TLL2: variants seen among roughly 807,000 people sequenced by gnomAD.
TLL2 encodes tolloid-like protein 2.
A neutral mutation model predicts 123.0 loss-of-function variants in TLL2; 106 were observed. The ratio of observed to expected loss-of-function variants is 0.86; its 90% confidence interval spans 0.74 to 1.01. TLL2 has a LOEUF of 1.01. Ranked by LOEUF, TLL2 falls within the 50% of genes least tolerant of loss-of-function variation. The probability of loss-of-function intolerance (pLI) is 0.00; values close to 1 mark genes in which losing one functional copy is unlikely to be tolerated. For synonymous variants in TLL2, 494 were observed against 516.8 expected, an observed-to-expected ratio of 0.96 and a Z score of 0.60; for missense variants, 1,332 against 1,336.7, an observed-to-expected ratio of 1.00 and a Z score of 0.06.
chr10:96,486,046 T>A (rs970533779), intron 1 of TLL2, among the ~76,000 whole-genome samples: 6 of 152,328 alleles, frequency 3.9e-5, no homozygotes, highest in African/African-American at 1.4e-4. Context: ...AGTTACATAG[T>A]GGTCTTCCAA....
intron 17 of TLL2, 101 bp downstream of exon 17, chr10:96,378,866 G>A: frequency 6.8e-7 from 1 of 1,477,040 alleles, no homozygotes. Flanking sequence ...GAAGGTGGAA[G>A]AGGTCCTCGC....
At chr10:96,388,396 G>A (rs1846257370) in intron 13 of TLL2, among the ~76,000 whole-genome samples, 1 of 152,150 alleles carries the variant, frequency 6.6e-6, no homozygotes, top group South Asian at 2.1e-4. Context: ...GCAAGACTCT[G>A]TCTCAACAAC....
At chr10:96,368,359 G>A (rs1485140170) in intron 20 of TLL2, 137 bp from the exon 21 acceptor site, 2 of 1,014,028 alleles carry the variant, frequency 2.0e-6, no homozygotes, top group Non-Finnish European at 2.8e-6. Flanking sequence ...ATCCAAACAA[G>A]CTCCTTTTCA....
At chr10:96,452,943 C>A (rs957424370) in intron 2 of TLL2, among the ~76,000 whole-genome samples, 1 of 152,208 alleles carries the variant, frequency 6.6e-6, no homozygotes, top group African/African-American at 2.4e-5. Context: ...TTAAGTGATT[C>A]AATGCCAAGT....
intron 3 of TLL2, among the ~76,000 whole-genome samples, chr10:96,445,045 C>A (rs1019677037): frequency 9.9e-5 from 15 of 152,068 alleles, no homozygotes; most frequent in Non-Finnish European, 1.5e-4. Context: ...AAACATTAGC[C>A]GGGCACGGTG....
chr10:96,387,195 T>C, intron 13 of TLL2, 117 bp from the exon 14 acceptor site: 2 of 1,433,648 alleles, frequency 1.4e-6, no homozygotes, highest in South Asian at 2.6e-5. Flanking sequence ...GAGCCACTCC[T>C]GGTGACCACC....
chr10:96,482,074 G>A (rs1180692069), intron 1 of TLL2, among the ~76,000 whole-genome samples: 4 of 152,084 alleles, frequency 2.6e-5, no homozygotes, highest in Admixed American at 6.5e-5. Flanking sequence ...TGGCTAACAC[G>A]GTGAAACTCT....
chr10:96,475,769 C>A (rs1182131665), intron 2 of TLL2, among the ~76,000 whole-genome samples: 1 of 152,186 alleles, frequency 6.6e-6, no homozygotes, highest in Admixed American at 6.5e-5. Flanking sequence ...TGTGTCCCCA[C>A]CCAAATCTCA....
At chr10:96,403,943 G>A (rs567661257) in intron 10 of TLL2, among the ~76,000 whole-genome samples, 91 of 151,226 alleles carry the variant, frequency 6.0e-4, no homozygotes, top group Non-Finnish European at 9.4e-4. Flanking sequence ...TCTGGCCTAC[G>A]TGCACATCCA....
intron 6 of TLL2, among the ~76,000 whole-genome samples, chr10:96,421,533 G>A (rs1397304072): frequency 1.3e-5 from 2 of 152,012 alleles, no homozygotes; most frequent in Admixed American, 6.6e-5. Context: ...GCATGGTGGC[G>A]GGTGCCTGTA....
intron 1 of TLL2, 111 bp from the exon 2 acceptor site, chr10:96,480,570 G>T: frequency 1.2e-6 from 1 of 809,742 alleles, no homozygotes; most frequent in Non-Finnish European, 2.1e-6. Context: ...GGAAAAGACA[G>T]CCCATCCAGT....
chr10:96,508,644 T>A (rs1847598731), intron 1 of TLL2, among the ~76,000 whole-genome samples: 1 of 152,042 alleles, frequency 6.6e-6, no homozygotes, highest in Non-Finnish European at 1.5e-5. Flanking sequence ...CATTTGAGCC[T>A]CATGTAGACA....
chr10:96,445,220 G>A lies in TLL2; in HGVS notation c.364+871C>T, dbSNP rs529017653. On this transcript the variant is annotated intron_variant, in intron 3 of 20. Coordinates refer to ENST00000357947, the MANE Select transcript of TLL2 (RefSeq NM_012465.4). ...AAAAATTTTTCTTTTGCTTTGCTGT[G>A]AAGTTTGTGTAGAAGAAATACCACT... 2.9e-3 allele frequency among the ~76,000 whole-genome samples: 436 copies of A among 152,322 alleles called. 3 individuals are homozygous for A. Among genetic ancestry groups the A allele is most frequent in the Non-Finnish European group, 4.8e-3 (327 of 68,018 alleles).
In TLL2 at chr10:96,385,408, C is replaced by A. The variant is rs191390952; in HGVS notation, c.2014-641G>T. On this transcript the variant is annotated intron_variant, in intron 15 of 20. Coordinates refer to ENST00000357947, the MANE Select transcript of TLL2 (RefSeq NM_012465.4). ...TTTGGGGTGACACCCTCATGGGCGC[C>A]ATGGCCTCCATGCATTGGGGTCATC... Among the ~76,000 whole-genome samples, 12 of 152,328 alleles carry A rather than the reference C, an allele frequency of 7.9e-5. No individual in the cohort carries two copies. The East Asian group carries it at 2.3e-3, about 29-fold the overall frequency.
intron 7 of TLL2, among the ~76,000 whole-genome samples, chr10:96,413,917 G>A (rs926130872): frequency 4.6e-5 from 7 of 152,150 alleles, no homozygotes; most frequent in African/African-American, 1.7e-4. Context: ...GTGTGTGCTT[G>A]GACAAGACCC....
Position 96,373,678 on chromosome 10 carries a change from C to T in TLL2, c.2580G>A (p.Val860=). Residue 860 remains valine, a synonymous_variant, in exon 19 of 21, where the codon GTG becomes GTA. Transcript: ENST00000357947. ...FCGSKKPDPT[V]ASGSSMFLRF... ...TGAGAAACATACTGCTGCCGGAAGC[C>T]ACCGTGGGGTCTGGTTTCTTGCTGC... is the stretch of plus-strand genomic sequence containing the variant. 1 of 1,614,254 alleles carries T rather than the reference C, an allele frequency of 6.2e-7. No homozygotes were observed. Among genetic ancestry groups the T allele is most frequent in the African/African-American group, 1.3e-5 (1 of 75,072 alleles).
chr10:96,446,280 A>G (rs1589424469), intron 2 of TLL2, 112 bp from the exon 3 acceptor site: 7 of 961,682 alleles, frequency 7.3e-6, no homozygotes, highest in Non-Finnish European at 1.1e-5. Flanking sequence ...ATCACCACGG[A>G]TTCGTAAGCT....
chr10:96,435,559 C>T (rs935004519), intron 3 of TLL2, among the ~76,000 whole-genome samples: 10 of 152,106 alleles, frequency 6.6e-5, no homozygotes, highest in East Asian at 1.9e-4. Flanking sequence ...AAGATTTATA[C>T]GTATGTTTTA....
At chr10:96,443,162 T>C (rs1278476892) in intron 3 of TLL2, among the ~76,000 whole-genome samples, 1 of 152,188 alleles carries the variant, frequency 6.6e-6, no homozygotes, top group African/African-American at 2.4e-5. Flanking sequence ...AGTCTCCAAA[T>C]ATGGCCGCCA....
Sources: gnomAD v4.1 joint callset for allele counts (sites outside exome capture counted in the v4.1 genomes callset) on GRCh38, gnomAD v4.1.1 for gene constraint, MANE v1.5 for transcripts, NCBI Gene and HGNC (gene_info 2026-07-23, HGNC 2026-07-21) for gene names.